The following SPAG16 variants were observed in gnomAD, a reference collection of about 807,000 sequenced individuals.
SPAG16 encodes the protein sperm-associated antigen 16 protein.
A neutral mutation model predicts 80.4 loss-of-function variants in SPAG16; 86 were observed. That is an observed-to-expected ratio of 1.07 (90% confidence interval 0.90 to 1.28). The LOEUF is 1.28. Among genes scored for constraint, SPAG16 ranks in the 50% most tolerant of loss-of-function variants. The pLI is 0.00. For missense variants in SPAG16, 870 were observed against 765.3 expected (o/e 1.14, Z -1.61); for synonymous variants, 294 against 265.9 (o/e 1.11, Z -1.03).
chr2:214,399,413 T>C (rs1434159846), intron 15 of SPAG16, among the ~76,000 whole-genome samples: 3 of 152,090 alleles, frequency 2.0e-5, no homozygotes, highest in Admixed American at 1.3e-4. Flanking sequence ...TAGGAAAGGA[T>C]GAAGTTCTAA....
intron 12 of SPAG16, among the ~76,000 whole-genome samples, chr2:213,992,727 G>T (rs1423899628): frequency 6.6e-6 from 1 of 152,134 alleles, no homozygotes; most frequent in Non-Finnish European, 1.5e-5. Flanking sequence ...ACAAAAGCCT[G>T]ATGATTGGTT....
At chr2:214,276,840 C>T (rs1373854497) in intron 15 of SPAG16, among the ~76,000 whole-genome samples, 1 of 152,136 alleles carries the variant, frequency 6.6e-6, no homozygotes, top group Non-Finnish European at 1.5e-5. Flanking sequence ...GTTGGCCTGC[C>T]TTACTAGGTT....
intron 13 of SPAG16, among the ~76,000 whole-genome samples, chr2:214,026,693 A>G (rs1012053863): frequency 1.3e-5 from 2 of 151,484 alleles, no homozygotes; most frequent in African/African-American, 4.8e-5. Flanking sequence ...TGGAGGGAAA[A>G]GATTCATGAG....
At chr2:213,580,562 T>C (rs558194979) in intron 10 of SPAG16, among the ~76,000 whole-genome samples, 3 of 152,240 alleles carry the variant, frequency 2.0e-5, no homozygotes, top group African/African-American at 4.8e-5. Flanking sequence ...TCCCAAAAGA[T>C]TGTCATGATT....
chr2:213,647,035 GT>G (rs2062846188), intron 10 of SPAG16, among the ~76,000 whole-genome samples: 2 of 152,084 alleles, frequency 1.3e-5, no homozygotes, highest in South Asian at 4.1e-4. Context: ...ACATAGATGA[GT>G]AAAAAGAATA....
chr2:214,051,780 T>C (rs1402012131), intron 13 of SPAG16, among the ~76,000 whole-genome samples: 1 of 152,214 alleles, frequency 6.6e-6, no homozygotes, highest in Non-Finnish European at 1.5e-5. Context: ...GTGACACCTT[T>C]GCAATGATCA....
chr2:213,658,366 C>T (rs1559350854), intron 10 of SPAG16, among the ~76,000 whole-genome samples: 3 of 152,102 alleles, frequency 2.0e-5, no homozygotes, highest in African/African-American at 7.2e-5. Flanking sequence ...GATCAGGCTT[C>T]CTCTCTCATG....
intron 12 of SPAG16, among the ~76,000 whole-genome samples, chr2:213,963,496 T>C (rs2044559438): frequency 6.6e-6 from 1 of 152,188 alleles, no homozygotes; most frequent in Non-Finnish European, 1.5e-5. Flanking sequence ...TGTTGTACTT[T>C]GTACTCTGCT....
chr2:213,964,012 A>G (rs2044586060), intron 12 of SPAG16, among the ~76,000 whole-genome samples: 1 of 152,156 alleles, frequency 6.6e-6, no homozygotes, highest in Admixed American at 6.5e-5. Flanking sequence ...TGTACAATTC[A>G]TTTCAATTTA....
At chr2:213,983,046 A>G (rs567845581) in intron 12 of SPAG16, among the ~76,000 whole-genome samples, 2 of 152,086 alleles carry the variant, frequency 1.3e-5, no homozygotes, top group South Asian at 4.1e-4. Flanking sequence ...CATATATTCA[A>G]TACTTTTGGG....
At chr2:213,956,243 A>G (rs2044128409) in intron 12 of SPAG16, among the ~76,000 whole-genome samples, 1 of 151,988 alleles carries the variant, frequency 6.6e-6, no homozygotes, top group African/African-American at 2.4e-5. Context: ...GGCATAAGCC[A>G]CCATGCCAGG....
At chr2:213,978,054 A>G (rs1207496753) in intron 12 of SPAG16, among the ~76,000 whole-genome samples, 1 of 151,290 alleles carries the variant, frequency 6.6e-6, no homozygotes, top group Non-Finnish European at 1.5e-5. Context: ...TTCACCACAG[A>G]GTACTATGAG....
intron 10 of SPAG16, among the ~76,000 whole-genome samples, chr2:213,837,677 C>T (rs926229121): frequency 6.6e-6 from 1 of 152,128 alleles, no homozygotes; most frequent in South Asian, 2.1e-4. Flanking sequence ...CCCCAAAACC[C>T]GGAATCCATA....
chr2:213,795,950 T>C (rs932487320), intron 10 of SPAG16, among the ~76,000 whole-genome samples: 1 of 152,178 alleles, frequency 6.6e-6, no homozygotes, highest in Non-Finnish European at 1.5e-5. Flanking sequence ...CTCAAGTGTT[T>C]CTTTATAGCA....
intron 9 of SPAG16, among the ~76,000 whole-genome samples, chr2:213,416,672 G>A (rs1048951880): frequency 2.6e-5 from 4 of 152,156 alleles, no homozygotes; most frequent in Non-Finnish European, 5.9e-5. Context: ...GGTCTTTCCT[G>A]GCTATCCCGG....
At chr2:213,358,839 C>T (rs1050073716) in intron 7 of SPAG16, among the ~76,000 whole-genome samples, 2 of 152,116 alleles carry the variant, frequency 1.3e-5, no homozygotes, top group African/African-American at 2.4e-5. Context: ...AGAAGAGGCA[C>T]TCTGGTTTTT....
intron 10 of SPAG16, among the ~76,000 whole-genome samples, chr2:213,675,698 A>T (rs1467405606): frequency 1.3e-5 from 2 of 151,884 alleles, no homozygotes; most frequent in African/African-American, 4.8e-5. Flanking sequence ...ATAGTTGTAG[A>T]TTTGTGGCGT....
intron 10 of SPAG16, among the ~76,000 whole-genome samples, chr2:213,505,883 A>G (rs2074948201): frequency 6.6e-6 from 1 of 151,932 alleles, no homozygotes; most frequent in African/African-American, 2.4e-5. Context: ...TGTGTTAGCC[A>G]TTCCATCCTT....
chr2:214,380,811 C>T (rs1165498873), intron 15 of SPAG16, among the ~76,000 whole-genome samples: 1 of 152,216 alleles, frequency 6.6e-6, no homozygotes, highest in Non-Finnish European at 1.5e-5. Flanking sequence ...ATCACTGTTT[C>T]CAGTGGACAT....
Sources: gnomAD v4.1 joint callset for allele counts (sites outside exome capture counted in the v4.1 genomes callset) on GRCh38, gnomAD v4.1.1 for gene constraint, MANE v1.5 for transcripts, NCBI Gene and HGNC (gene_info 2026-07-23, HGNC 2026-07-21) for gene names.